The following CHN2 variants were observed in gnomAD, a reference collection of about 807,000 sequenced individuals.
CHN2 encodes the protein beta-chimaerin.
A neutral mutation model predicts 56.3 loss-of-function variants in CHN2; 35 were observed. That is an observed-to-expected ratio of 0.62 (90% confidence interval 0.47 to 0.82). The LOEUF (loss-of-function observed/expected upper bound fraction) is 0.82, where lower values mean the gene tolerates loss of function less well. CHN2 is among the 40% of genes least tolerant of loss of function. The pLI, the probability that CHN2 is intolerant of heterozygous loss-of-function variation, is 0.00. For missense variants in CHN2, 491 were observed against 580.5 expected, an observed-to-expected ratio of 0.85 and a Z score of 1.58; for synonymous variants, 210 against 212.8, an observed-to-expected ratio of 0.99 and a Z score of 0.12.
At position 29,392,241 on chromosome 7, in the gene CHN2, A is replaced by G. The variant is rs575124935; in HGVS notation, c.145-1438A>G. On this transcript the variant is annotated intron_variant, in intron 3 of 12. Transcript: ENST00000222792. Reference sequence around the variant, plus strand: ...GGTTTTACAGTCACATGTCTATAATATTATAAAACTAAAAAAGAACTTTGA... The same window carrying G: ...GGTTTTACAGTCACATGTCTATAATGTTATAAAACTAAAAAAGAACTTTGA... Among the ~76,000 whole-genome samples, 63 of 152,292 alleles carry G rather than the reference A, an allele frequency of 4.1e-4. 1 individual carries two copies. Among genetic ancestry groups the G allele is most frequent in the Middle Eastern group, 6.8e-3 (2 of 294 alleles).
intron 2 of CHN2, among the ~76,000 whole-genome samples, chr7:29,173,653 A>T (rs1204842749): frequency 6.6e-6 from 1 of 151,922 alleles, no homozygotes; most frequent in Non-Finnish European, 1.5e-5. Flanking sequence ...GTTGCCATGG[A>T]GTGAGTAAGA....
In CHN2 at chr7:29,170,994, C is replaced by T. The variant is rs550980528; in HGVS notation, c.274+24034C>T. Among the ~76,000 whole-genome samples the T allele has an allele frequency of 2.6e-5, 4 of 152,236 alleles. No homozygotes were observed. The South Asian group carries it at 6.2e-4, about 24-fold the overall frequency. On this transcript the variant is annotated intron_variant, in intron 2 of 6. Coordinates refer to the CHN2 transcript ENST00000439384. ...CCACGGGGTCCCTCCCACAACATGT[C>T]GGAATTCAAGATGAGATTAGTGTGG...
At chr7:29,434,063 A>G (rs977960955) in intron 6 of CHN2, among the ~76,000 whole-genome samples, 1 of 152,138 alleles carries the variant, frequency 6.6e-6, no homozygotes, top group South Asian at 2.1e-4. Context: ...TTCCTCTCCT[A>G]ATTTGTACTC....
At chr7:29,252,236 C>T (rs245968) in intron 1 of CHN2, among the ~76,000 whole-genome samples, 23,072 of 146,714 alleles carry the variant, frequency 0.16, 4,594 homozygotes, top group African/African-American at 0.47. Flanking sequence ...TTGCCCAGGC[C>T]GGAGTGCAGT....
At chr7:29,469,199 A>C (rs1348531367) in intron 6 of CHN2, among the ~76,000 whole-genome samples, 1 of 152,206 alleles carries the variant, frequency 6.6e-6, no homozygotes, top group Non-Finnish European at 1.5e-5. Flanking sequence ...ACCTTGAAAC[A>C]ATATCCAGAT....
intron 6 of CHN2, among the ~76,000 whole-genome samples, chr7:29,417,332 C>G (rs1329680502): frequency 7.4e-6 from 1 of 134,312 alleles, no homozygotes; most frequent in Non-Finnish European, 1.6e-5. Context: ...TTACTGTAAC[C>G]CTTTTTTTTT....
intron 2 of CHN2, among the ~76,000 whole-genome samples, chr7:29,170,723 C>T (rs187637902): frequency 7.2e-5 from 11 of 152,132 alleles, no homozygotes; most frequent in Admixed American, 2.0e-4. Context: ...GACGTACTCG[C>T]GACTGGGCAA....
intron 3 of CHN2, among the ~76,000 whole-genome samples, chr7:29,387,240 T>C (rs886171468): frequency 6.6e-6 from 1 of 152,130 alleles, no homozygotes; most frequent in Non-Finnish European, 1.5e-5. Flanking sequence ...GTATCTCATC[T>C]AATCTGTGAA....
chr7:29,505,939 A>G (rs1193216308), intron 10 of CHN2, among the ~76,000 whole-genome samples: 1 of 152,188 alleles, frequency 6.6e-6, no homozygotes, highest in African/African-American at 2.4e-5. Flanking sequence ...CATATCTTCT[A>G]TGCTTTTACT....
chr7:29,157,298 T>A (rs1584467211), intron 2 of CHN2, among the ~76,000 whole-genome samples: 2 of 151,548 alleles, frequency 1.3e-5, no homozygotes. Flanking sequence ...CAGTACTGCA[T>A]CTTTAATCAA....
chr7:29,335,209 CATG>C (rs1436018958), intron 1 of CHN2, among the ~76,000 whole-genome samples: 1 of 152,184 alleles, frequency 6.6e-6, no homozygotes, highest in Non-Finnish European at 1.5e-5. Context: ...CATTCTCTGT[CATG>C]GTGCTGGGCC....
chr7:29,504,921 A>T, intron 10 of CHN2, 100 bp downstream of exon 10: 3 of 777,892 alleles, frequency 3.9e-6, no homozygotes, highest in Non-Finnish European at 6.4e-6. Flanking sequence ...AGAACTACTA[A>T]GAGTTGTTCT....
upstream of CHN2, among the ~76,000 whole-genome samples, chr7:29,190,091 C>A (rs1427849662): frequency 6.6e-6 from 1 of 152,226 alleles, no homozygotes. Context: ...TCAGCTCCTG[C>A]CCCTAGTGAC....
chr7:29,262,481 C>CA (rs1789636603), intron 1 of CHN2, among the ~76,000 whole-genome samples: 1 of 152,160 alleles, frequency 6.6e-6, no homozygotes, highest in Admixed American at 6.5e-5. Context: ...ATTAGAGTGT[C>CA]AATTTAGATG....
intron 1 of CHN2, among the ~76,000 whole-genome samples, chr7:29,228,799 T>C (rs1258894106): frequency 2.0e-5 from 3 of 152,234 alleles, no homozygotes; most frequent in Non-Finnish European, 2.9e-5. Flanking sequence ...GCTGTTTGTC[T>C]CCTTTGACCC....
intron 1 of CHN2, among the ~76,000 whole-genome samples, chr7:29,314,887 G>T (rs1477449936): frequency 6.6e-6 from 1 of 150,608 alleles, no homozygotes; most frequent in African/African-American, 2.4e-5. Flanking sequence ...ATATATAATT[G>T]TTATATTTAA....
chr7:29,473,201 G>A (rs977236372), intron 6 of CHN2, among the ~76,000 whole-genome samples: 4 of 152,184 alleles, frequency 2.6e-5, no homozygotes, highest in Non-Finnish European at 5.9e-5. Context: ...GTGAGCATGA[G>A]CAGAAACATG....
At chr7:29,164,756 G>A (rs1046741018) in intron 2 of CHN2, among the ~76,000 whole-genome samples, 37 of 145,056 alleles carry the variant, frequency 2.6e-4, no homozygotes, top group Non-Finnish European at 5.1e-4. Flanking sequence ...ACTCCAGCCT[G>A]GGTGACAGAG....
chr7:29,484,412 G>T (rs1308496438), intron 7 of CHN2, among the ~76,000 whole-genome samples: 1 of 152,198 alleles, frequency 6.6e-6, no homozygotes, highest in Non-Finnish European at 1.5e-5. Context: ...ATCAAGGTAT[G>T]GGCAGGGTTG....
Sources: gnomAD v4.1 joint callset for allele counts (sites outside exome capture counted in the v4.1 genomes callset) on GRCh38, gnomAD v4.1.1 for gene constraint, MANE v1.5 for transcripts, NCBI Gene and HGNC (gene_info 2026-07-23, HGNC 2026-07-21) for gene names.